The following POU6F2 variants were observed in gnomAD, a reference collection of about 807,000 sequenced individuals.
The protein encoded by POU6F2 is POU class 6 homeobox 2.
In POU6F2, 31 loss-of-function variants were observed where a neutral mutation model predicts 71.3. The ratio of observed to expected loss-of-function variants is 0.43; its 90% CI spans 0.33 to 0.59. The LOEUF is 0.59. Ranked by LOEUF, POU6F2 falls within the 20% of genes least tolerant of loss-of-function variation. The probability of loss-of-function intolerance (pLI) is 0.04; values close to 1 mark genes in which losing one functional copy is unlikely to be tolerated. For synonymous variants in POU6F2, 347 were observed against 355.7 expected, an observed-to-expected ratio of 0.98 and a Z score of 0.27; for missense variants, 783 against 856.8, an observed-to-expected ratio of 0.91 and a Z score of 1.07.
chr7:39,349,236 T>C (rs1281070368), intron 5 of POU6F2, among the ~76,000 whole-genome samples: 1 of 152,174 alleles, frequency 6.6e-6, no homozygotes, highest in Non-Finnish European at 1.5e-5. Context: ...GGAAAATCAC[T>C]TCATAAAATA....
intron 4 of POU6F2, among the ~76,000 whole-genome samples, chr7:39,277,026 C>T (rs1052165164): frequency 4.6e-5 from 7 of 152,046 alleles, no homozygotes; most frequent in Admixed American, 2.0e-4. Context: ...ACATTGTGCA[C>T]ATGTACCCTA....
intron 4 of POU6F2, among the ~76,000 whole-genome samples, chr7:39,319,755 G>T (rs1484157477): frequency 6.6e-6 from 1 of 152,160 alleles, no homozygotes; most frequent in Non-Finnish European, 1.5e-5. Context: ...CTACTGCAGG[G>T]ACATAAACCA....
intron 2 of POU6F2, among the ~76,000 whole-genome samples, chr7:39,091,812 C>T (rs890749692): frequency 1.3e-5 from 2 of 152,212 alleles, no homozygotes; most frequent in Non-Finnish European, 2.9e-5. Context: ...CCCACTTCAA[C>T]GTTGAGATTT....
In POU6F2 at chr7:39,295,507, T is replaced by G. The variant is rs982071629; in HGVS notation, c.599-44135T>G. On this transcript the variant is annotated intron_variant, in intron 4 of 9. Transcript: ENST00000518318. ...GGCACATGCCTATAATCCCAGCTAC[T>G]GGGGAGGCTGAGGCAGGAGAATCGC... 1.1e-4 allele frequency among the ~76,000 whole-genome samples: 17 copies of G among 152,284 alleles called. 1 individual carries two copies. The highest frequency in any genetic ancestry group is 4.1e-4 in the South Asian group (2 of 4,822).
chr7:39,067,776 T>A (rs191232539), intron 1 of POU6F2, among the ~76,000 whole-genome samples: 168 of 152,242 alleles, frequency 1.1e-3, no homozygotes, highest in African/African-American at 4.0e-3. Context: ...AGGTAAAGGA[T>A]GTGAGTAATT....
chr7:39,355,512 C>G (rs1220408800), intron 5 of POU6F2, among the ~76,000 whole-genome samples: 1 of 152,058 alleles, frequency 6.6e-6, no homozygotes, highest in Non-Finnish European at 1.5e-5. Flanking sequence ...CTGAAAGACC[C>G]AGCTTTTCAG....
intron 2 of POU6F2, among the ~76,000 whole-genome samples, chr7:39,091,134 A>G (rs1791356867): frequency 6.6e-6 from 1 of 152,208 alleles, no homozygotes; most frequent in African/African-American, 2.4e-5. Context: ...ACTTTAAATA[A>G]CATTCATTTG....
intron 4 of POU6F2, among the ~76,000 whole-genome samples, chr7:39,293,880 G>C (rs73382960): frequency 0.034 from 5,244 of 152,236 alleles, 325 homozygotes; most frequent in African/African-American, 0.12. Context: ...GAAACTGAGA[G>C]GCATGAAACC....
chr7:39,458,255 A>T (rs901396403), intron 8 of POU6F2, among the ~76,000 whole-genome samples: 2 of 152,158 alleles, frequency 1.3e-5, no homozygotes, highest in Non-Finnish European at 2.9e-5. Flanking sequence ...AGCAGCCAGA[A>T]TCAGTTCCAG....
At chr7:39,449,420 T>C (rs1283229802) in intron 7 of POU6F2, among the ~76,000 whole-genome samples, 3 of 152,214 alleles carry the variant, frequency 2.0e-5, no homozygotes, top group Non-Finnish European at 2.9e-5. Flanking sequence ...AAAAACACTT[T>C]AGGGAATTAA....
chr7:39,003,583 C>CAA (rs10650128), intron 1 of POU6F2, among the ~76,000 whole-genome samples: 65,671 of 128,076 alleles, frequency 0.51, 16,935 homozygotes, highest in East Asian at 0.66. Flanking sequence ...ACTAAAAATA[C>CAA]AAAAAAAAAA....
intron 2 of POU6F2, among the ~76,000 whole-genome samples, chr7:39,106,511 T>G (rs1791690762): frequency 6.6e-6 from 1 of 152,232 alleles, no homozygotes; most frequent in African/African-American, 2.4e-5. Context: ...TATTGGACAT[T>G]TTTTCTATGC....
At chr7:39,152,948 C>T (rs564275780) in intron 2 of POU6F2, among the ~76,000 whole-genome samples, 19 of 152,178 alleles carry the variant, frequency 1.2e-4, no homozygotes, top group African/African-American at 4.6e-4. Flanking sequence ...AGTTAAGAAA[C>T]GGAGATCTTC....
chr7:39,439,891 C>T (rs1788351434), intron 7 of POU6F2, among the ~76,000 whole-genome samples: 1 of 148,278 alleles, frequency 6.7e-6, no homozygotes, highest in Non-Finnish European at 1.5e-5. Context: ...AAAAAAAATG[C>T]CTCAGCATTT....
intron 4 of POU6F2, among the ~76,000 whole-genome samples, chr7:39,302,716 A>G (rs534937588): frequency 3.9e-5 from 6 of 152,360 alleles, no homozygotes; most frequent in South Asian, 2.1e-4. Context: ...TAGATAAGCA[A>G]TATGCGTAAC....
intron 2 of POU6F2, among the ~76,000 whole-genome samples, chr7:39,100,161 T>G (rs1791537463): frequency 6.6e-6 from 1 of 152,224 alleles, no homozygotes; most frequent in African/African-American, 2.4e-5. Context: ...ATAGCCAATG[T>G]TTAATTGGAA....
At chr7:39,272,019 G>A (rs1784348822) in intron 4 of POU6F2, among the ~76,000 whole-genome samples, 1 of 152,040 alleles carries the variant, frequency 6.6e-6, no homozygotes, top group South Asian at 2.1e-4. Context: ...GTTGTTGTTA[G>A]ATCAGATTAC....
chr7:38,981,674 A>G (rs763359235), intron 1 of POU6F2, among the ~76,000 whole-genome samples: 6 of 152,192 alleles, frequency 3.9e-5, no homozygotes, highest in Non-Finnish European at 7.3e-5. Context: ...AGAAGAGACC[A>G]CACATTCTAT....
chr7:39,391,482 A>G (rs1787074510), intron 5 of POU6F2, among the ~76,000 whole-genome samples: 1 of 152,172 alleles, frequency 6.6e-6, no homozygotes, highest in Non-Finnish European at 1.5e-5. Context: ...ATAATGTACA[A>G]AATAAGAACT....
Sources: allele counts gnomAD v4.1 joint callset (sites outside exome capture counted in the v4.1 genomes callset), GRCh38; gene constraint gnomAD v4.1.1; transcripts MANE v1.5; gene names NCBI Gene and HGNC (gene_info 2026-07-23, HGNC 2026-07-21).